Variants in TNS3 observed in about 807,000 individuals in gnomAD.
TNS3 encodes tensin-3.
In TNS3, 45 loss-of-function variants were observed where a neutral mutation model predicts 140.9. That is an observed-to-expected ratio of 0.32 (90% confidence interval 0.25 to 0.41). TNS3 has a LOEUF of 0.41. Ranked by LOEUF, TNS3 falls within the 10% of genes least tolerant of loss-of-function variation. TNS3 has a pLI of 1.00. For synonymous variants in TNS3, 815 were observed against 788.4 expected (o/e 1.03, Z -0.56); for missense variants, 1,716 against 1,906.7 (o/e 0.90, Z 1.86).
At chr7:47,509,393 G>A (rs1175438355) in intron 2 of TNS3, among the ~76,000 whole-genome samples, 1 of 152,174 alleles carries the variant, frequency 6.6e-6, no homozygotes, top group Non-Finnish European at 1.5e-5. Flanking sequence ...CCTCAGAGTA[G>A]CAAGTCCACC....
intron 16 of TNS3, among the ~76,000 whole-genome samples, chr7:47,378,530 T>C (rs533085279): frequency 3.3e-4 from 51 of 152,320 alleles, no homozygotes; most frequent in African/African-American, 4.3e-4. Context: ...TAAAACAGTT[T>C]TCCCATCCCA....
rs1799655802 is a variant in TNS3, at chr7:47,537,778, G to A, written c.-264-8631C>T. 2.6e-5 allele frequency among the ~76,000 whole-genome samples: 4 copies of A among 152,114 alleles called. No homozygotes were observed. The South Asian group carries it at 8.3e-4, about 32-fold the overall frequency. Reference sequence around the variant, plus strand: ...GGAGTGGAAAGCAGGTAAACACCGAGGCAGAAAGGCTTTTTTTCTAATTTG... The same window carrying A: ...GGAGTGGAAAGCAGGTAAACACCGAAGCAGAAAGGCTTTTTTTCTAATTTG... On this transcript the variant is annotated intron_variant, in intron 1 of 30. Coordinates refer to ENST00000311160, the MANE Select transcript of TNS3 (RefSeq NM_022748.12).
At chr7:47,504,540 A>G (rs1235287739) in intron 3 of TNS3, among the ~76,000 whole-genome samples, 3 of 152,254 alleles carry the variant, frequency 2.0e-5, no homozygotes, top group South Asian at 2.1e-4. Context: ...ACCAAAGCCT[A>G]TGAGCTGAAC....
intron 3 of TNS3, among the ~76,000 whole-genome samples, chr7:47,492,064 G>A (rs925250722): frequency 6.6e-6 from 1 of 152,252 alleles, no homozygotes; most frequent in Admixed American, 6.5e-5. Flanking sequence ...TGACTCTGAA[G>A]AAGCTGTAGG....
intron 1 of TNS3, among the ~76,000 whole-genome samples, chr7:47,566,814 T>C (rs2152007902): frequency 6.6e-6 from 1 of 152,098 alleles, no homozygotes; most frequent in South Asian, 2.1e-4. Flanking sequence ...CCCAGGCAGG[T>C]GGATCACCTG....
intron 17 of TNS3, among the ~76,000 whole-genome samples, chr7:47,366,856 G>A (rs1001503393): frequency 2.6e-5 from 4 of 152,074 alleles, no homozygotes; most frequent in East Asian, 1.9e-4. Context: ...CAAGAACCAC[G>A]CCAGCATAAA....
chr7:47,296,159 G>C (rs1324970247), intron 24 of TNS3, among the ~76,000 whole-genome samples: 3 of 151,942 alleles, frequency 2.0e-5, no homozygotes, highest in Non-Finnish European at 4.4e-5. Context: ...GGGCAAAAAG[G>C]GCAGGGGGAG....
intron 9 of TNS3, 100 bp downstream of exon 9, chr7:47,428,212 G>A: frequency 1.2e-6 from 1 of 831,766 alleles, no homozygotes; most frequent in Non-Finnish European, 1.7e-6. Context: ...GGTCAGCCGA[G>A]CCCTTGGTAT....
chr7:47,312,596 G>A (rs753221013), intron 20 of TNS3, among the ~76,000 whole-genome samples: 24 of 151,918 alleles, frequency 1.6e-4, no homozygotes, highest in Non-Finnish European at 2.8e-4. Flanking sequence ...CCAGCTACTC[G>A]GGAGGCTAAG....
At chr7:47,406,174 A>T (rs1433732333) in intron 13 of TNS3, among the ~76,000 whole-genome samples, 1 of 152,162 alleles carries the variant, frequency 6.6e-6, no homozygotes, top group East Asian at 1.9e-4. Flanking sequence ...AGCAGACTTA[A>T]GAATCTGACC....
At position 47,391,634 on chromosome 7, in the gene TNS3, G is replaced by A. The variant is rs1792523272; in HGVS notation, c.1024+5166C>T. On this transcript the variant is annotated intron_variant, in intron 16 of 30. Transcript: ENST00000311160. ...TGTTCTCCATAGGGCTCAGCAACAT[G>A]GGGGTCCAGAGCTTTGCAGAGCCTC... Among the ~76,000 whole-genome samples, 3 of 152,334 alleles carry A rather than the reference G, an allele frequency of 2.0e-5. No homozygotes were observed. In the South Asian group the frequency reaches 6.2e-4, roughly 32 times the overall value.
At chr7:47,282,722 C>T (rs1487516800) in intron 28 of TNS3, among the ~76,000 whole-genome samples, 1 of 152,180 alleles carries the variant, frequency 6.6e-6, no homozygotes, top group African/African-American at 2.4e-5. Flanking sequence ...GTCAGGGGCA[C>T]TGAACGGGTC....
intron 4 of TNS3, among the ~76,000 whole-genome samples, chr7:47,460,150 T>C (rs1007559583): frequency 6.7e-6 from 1 of 148,880 alleles, no homozygotes; most frequent in African/African-American, 2.5e-5. Flanking sequence ...GAGGCGGAGC[T>C]TGCAGTGAGC....
chr7:47,297,143 G>A lies in TNS3; in HGVS notation c.3615C>T (p.Ala1205=). 6.2e-7 allele frequency: 1 copy of A among 1,614,010 alleles called. No individual in the cohort carries two copies. The highest frequency in any genetic ancestry group is 8.5e-7 in the Non-Finnish European group (1 of 1,180,008). Residue 1205 remains alanine (A), a synonymous_variant, in exon 24 of 31, where the codon GCC becomes GCT. Coordinates refer to ENST00000311160, the MANE Select transcript of TNS3 (RefSeq NM_022748.12). ...IVRDSHSFRG[A]YGLAMKVATP... is the part of the protein sequence containing the mutation. ...TGGCCACCTTCATGGCCAGGCCATAGGCCCCTCGGAAGGAATGGCTGTCTC... is the reference window on the plus strand; with the variant it reads ...TGGCCACCTTCATGGCCAGGCCATAAGCCCCTCGGAAGGAATGGCTGTCTC...
intron 1 of TNS3, among the ~76,000 whole-genome samples, chr7:47,559,549 G>C (rs1800280559): frequency 6.6e-6 from 1 of 152,060 alleles, no homozygotes; most frequent in Admixed American, 6.6e-5. Context: ...CGCACCCCAG[G>C]ACTATGCAGA....
Position 47,368,748 on chromosome 7 carries a change from G to A in TNS3, c.1898C>T (p.Pro633Leu). The change falls in exon 17 of 31, where the codon CCC becomes CTC. Residue 633 changes from proline (P) to leucine (L), a missense_variant. Physicochemically the swap from Pro to Leu is moderately conservative, Grantham distance 98 (BLOSUM62 -3). Transcript: ENST00000311160. ...CACCCTACTGCTGGTCCCTCGGGTG[G>A]GGGTGAGTGGCACTCTGGGCTGGGC... is the stretch of plus-strand genomic sequence containing the variant. ...VQAQPRVPLTPTRGTSSRVAV... is the reference protein window; with the variant it reads ...VQAQPRVPLTLTRGTSSRVAV... 1.9e-6 allele frequency: 3 copies of A among 1,583,818 alleles called. No individual in the cohort carries two copies. Among genetic ancestry groups the A allele is most frequent in the African/African-American group, 1.3e-5 (1 of 74,672 alleles).
At chr7:47,413,583 G>C (rs1793909167) in intron 12 of TNS3, among the ~76,000 whole-genome samples, 1 of 151,650 alleles carries the variant, frequency 6.6e-6, no homozygotes, top group Non-Finnish European at 1.5e-5. Context: ...CCTCGGATTT[G>C]GTAATCAAAG....
intron 13 of TNS3, chr7:47,405,669 A>G (rs1045499399): frequency 1.9e-5 from 13 of 683,488 alleles, no homozygotes; most frequent in Non-Finnish European, 3.5e-5. Flanking sequence ...TAAAAGGGAG[A>G]GGAAAAGGCA....
At chr7:47,479,233 C>T (rs918215844) in intron 4 of TNS3, among the ~76,000 whole-genome samples, 2 of 152,218 alleles carry the variant, frequency 1.3e-5, no homozygotes, top group Non-Finnish European at 2.9e-5. Flanking sequence ...CCCTCTGGTG[C>T]CTCTGATGTC....
Sources: gnomAD v4.1 joint callset for allele counts (sites outside exome capture counted in the v4.1 genomes callset) on GRCh38, gnomAD v4.1.1 for gene constraint, MANE v1.5 for transcripts, NCBI Gene and HGNC (gene_info 2026-07-23, HGNC 2026-07-21) for gene names.